Variants in LRP1B observed in about 807,000 individuals in gnomAD.
LRP1B encodes LDL receptor related protein 1B, also known as low-density lipoprotein receptor-related protein 1B.
A neutral mutation model predicts 556.6 loss-of-function variants in LRP1B; 217 were observed. The observed-to-expected ratio is 0.39, with a 90% CI of 0.35 to 0.44. The LOEUF (loss-of-function observed/expected upper bound fraction) is 0.44. Ranked by LOEUF, LRP1B falls within the 20% of genes least tolerant of loss-of-function variation. The pLI is 1.00. For synonymous variants in LRP1B, 2,047 were observed against 1,865.8 expected (o/e 1.10, Z -2.50); for missense variants, 5,053 against 5,620.8 (o/e 0.90, Z 3.23).
Position 141,198,048 on chromosome 2 carries a change from T to C in LRP1B, c.851-9465A>G, listed in dbSNP as rs180963729. On this transcript the variant is annotated intron_variant, in intron 6 of 90. Coordinates refer to ENST00000389484, the MANE Select transcript of LRP1B (RefSeq NM_018557.3). Reference sequence around the variant, plus strand: ...GATTATGAAGAAACCTATTCCATTTTCCTCGATTTATGTATCTCTTGAATG... The same window carrying C: ...GATTATGAAGAAACCTATTCCATTTCCCTCGATTTATGTATCTCTTGAATG... Among the ~76,000 whole-genome samples, 190 of 152,278 alleles carry C rather than the reference T, an allele frequency of 1.2e-3. 1 individual carries two copies. The highest frequency in any genetic ancestry group is 2.5e-3 in the Admixed American group (38 of 15,270).
intron 21 of LRP1B, among the ~76,000 whole-genome samples, chr2:140,922,718 G>C (rs769900939): frequency 1.4e-4 from 21 of 151,912 alleles, no homozygotes; most frequent in African/African-American, 5.1e-4. Flanking sequence ...TGACATGTTG[G>C]CTCTGTGAGC....
chr2:141,040,140 T>G (rs16845177), intron 11 of LRP1B, among the ~76,000 whole-genome samples: 14,868 of 152,130 alleles, frequency 0.098, 804 homozygotes, highest in African/African-American at 0.14. Context: ...ATGTACTCAT[T>G]ATTTCCTTTA....
chr2:142,124,312 G>A (rs1353392903), intron 1 of LRP1B, among the ~76,000 whole-genome samples: 1 of 151,738 alleles, frequency 6.6e-6, no homozygotes, highest in Non-Finnish European at 1.5e-5. Flanking sequence ...ATCAACAAAT[G>A]GGTATACTCA....
At chr2:141,750,949 A>G (rs947092951) in intron 2 of LRP1B, among the ~76,000 whole-genome samples, 11 of 152,180 alleles carry the variant, frequency 7.2e-5, no homozygotes, top group African/African-American at 2.6e-4. Context: ...TACAGTATGT[A>G]TCTCCTTGCT....
intron 11 of LRP1B, among the ~76,000 whole-genome samples, chr2:141,032,289 T>C (rs1698394465): frequency 6.6e-6 from 1 of 152,154 alleles, no homozygotes; most frequent in Non-Finnish European, 1.5e-5. Flanking sequence ...ATGGACTTTA[T>C]ATTGTTTCCA....
chr2:142,017,170 T>A (rs997879926), intron 1 of LRP1B, among the ~76,000 whole-genome samples: 4 of 151,934 alleles, frequency 2.6e-5, no homozygotes, highest in Non-Finnish European at 5.9e-5. Context: ...GACAAAAAAT[T>A]GAAATATTAG....
chr2:140,777,464 TCA>T (rs938687458), intron 32 of LRP1B, among the ~76,000 whole-genome samples: 5 of 152,128 alleles, frequency 3.3e-5, no homozygotes, highest in African/African-American at 1.2e-4. Context: ...AACCTACAAG[TCA>T]CAGTGTCGAA....
At chr2:141,361,929 T>C (rs1017620044) in intron 3 of LRP1B, among the ~76,000 whole-genome samples, 4 of 152,202 alleles carry the variant, frequency 2.6e-5, no homozygotes, top group Admixed American at 6.5e-5. Context: ...TCACTCATTC[T>C]TCCATCTCAA....
chr2:140,736,375 G>C (rs1211347652), intron 35 of LRP1B, among the ~76,000 whole-genome samples: 5 of 151,944 alleles, frequency 3.3e-5, no homozygotes, highest in Non-Finnish European at 7.4e-5. Context: ...AATATCCATT[G>C]TTTTATTGTT....
chr2:140,391,075 G>A (rs1327501517), intron 66 of LRP1B, among the ~76,000 whole-genome samples: 3 of 151,882 alleles, frequency 2.0e-5, no homozygotes, highest in African/African-American at 4.8e-5. Context: ...ATTTGTATGA[G>A]ACATGTTATT....
intron 1 of LRP1B, among the ~76,000 whole-genome samples, chr2:141,837,826 A>G (rs993234822): frequency 2.0e-5 from 3 of 152,202 alleles, no homozygotes; most frequent in Non-Finnish European, 4.4e-5. Context: ...TCACCAACAC[A>G]TTAACCTAAA....
At chr2:140,623,956 GTATATATATA>G (rs3060390) in intron 41 of LRP1B, among the ~76,000 whole-genome samples, 1 of 106,436 alleles carries the variant, frequency 9.4e-6, no homozygotes, top group Non-Finnish European at 1.9e-5. Context: ...TTTTATTTAT[GTATATATATA>G]TATATATAGC....
intron 2 of LRP1B, among the ~76,000 whole-genome samples, chr2:141,489,805 A>G (rs1683263767): frequency 6.6e-6 from 1 of 152,184 alleles, no homozygotes; most frequent in Non-Finnish European, 1.5e-5. Flanking sequence ...TCCAAGTAAA[A>G]CAATATTAAT....
At position 140,534,106 on chromosome 2, in the gene LRP1B, G is replaced by A. The variant is rs759334909; in HGVS notation, c.7677C>T (p.Cys2559=). ...NRSCRRGFKP[C]YNRRCIPHGK... ...CATGAGGAATGCAGCGGCGATTATA[G>A]CATGGCTTGAAGCCTCTTCGACAGC... The change falls in exon 47 of 91, where the codon TGC becomes TGT. Residue 2559 remains cysteine (C), a synonymous_variant. Coordinates refer to ENST00000389484, the MANE Select transcript of LRP1B (RefSeq NM_018557.3). 2 of 1,613,182 alleles carry A rather than the reference G, an allele frequency of 1.2e-6. No individual in the cohort carries two copies. The highest frequency in any genetic ancestry group is 1.7e-4 in the Middle Eastern group (1 of 6,056).
chr2:140,318,492 T>A (rs1684626552), intron 82 of LRP1B, among the ~76,000 whole-genome samples: 1 of 152,152 alleles, frequency 6.6e-6, no homozygotes, highest in African/African-American at 2.4e-5. Flanking sequence ...TACAATTTGG[T>A]GACTTAATGC....
chr2:140,990,122 G>C (rs138242598), intron 16 of LRP1B, among the ~76,000 whole-genome samples: 1 of 151,934 alleles, frequency 6.6e-6, no homozygotes, highest in African/African-American at 2.4e-5. Context: ...CAGGAGAATC[G>C]CTTGAACCCA....
Position 140,310,424 on chromosome 2 carries a change from A to C in LRP1B, c.12805+4511T>G, listed in dbSNP as rs573391280. 1.1e-4 allele frequency among the ~76,000 whole-genome samples: 17 copies of C among 151,566 alleles called. No individual in the cohort carries two copies. In the East Asian group the frequency reaches 2.7e-3, roughly 24 times the overall value. On this transcript the variant is annotated intron_variant, in intron 83 of 90. Coordinates refer to ENST00000389484, the MANE Select transcript of LRP1B (RefSeq NM_018557.3). Reference sequence around the variant, plus strand: ...AAATTCATACGGAACCAAAAAAAAAAAAAAGGCCTGAATAGCCAAAGTAAT... The same window carrying C: ...AAATTCATACGGAACCAAAAAAAAACAAAAGGCCTGAATAGCCAAAGTAAT...
intron 2 of LRP1B, among the ~76,000 whole-genome samples, chr2:141,808,999 T>C (rs1037845547): frequency 4.6e-5 from 7 of 152,264 alleles, no homozygotes; most frequent in Middle Eastern, 3.4e-3. Flanking sequence ...ATTTTTCCTA[T>C]GAACCTTTTA....
intron 31 of LRP1B, among the ~76,000 whole-genome samples, chr2:140,833,404 G>C (rs549794248): frequency 6.6e-6 from 1 of 152,250 alleles, no homozygotes; most frequent in Admixed American, 6.5e-5. Flanking sequence ...CCACAACTAT[G>C]ACCACCATCA....
Sources: gnomAD v4.1 joint callset for allele counts (sites outside exome capture counted in the v4.1 genomes callset) on GRCh38, gnomAD v4.1.1 for gene constraint, MANE v1.5 for transcripts, NCBI Gene and HGNC (gene_info 2026-07-23, HGNC 2026-07-21) for gene names.